MYRFL: variants seen among roughly 807,000 people sequenced by gnomAD.
The protein encoded by MYRFL is myelin regulatory factor-like protein.
In MYRFL, 88 loss-of-function variants were observed where a neutral mutation model predicts 109.4. The ratio of observed to expected loss-of-function variants is 0.80; its 90% CI spans 0.68 to 0.96. MYRFL has a LOEUF of 0.96. Ranked by LOEUF, MYRFL falls within the 40% of genes least tolerant of loss-of-function variation. MYRFL has a pLI of 0.00. For synonymous variants in MYRFL, 324 were observed against 320.9 expected (o/e 1.01, Z -0.10); for missense variants, 957 against 954.9 (o/e 1.00, Z -0.03).
chr12:69,916,793 C>A (rs908312934), intron 13 of MYRFL, among the ~76,000 whole-genome samples: 1 of 145,596 alleles, frequency 6.9e-6, no homozygotes, highest in African/African-American at 2.5e-5. Context: ...GACTAAATGA[C>A]TAAATAAGTA....
chr12:69,949,758 G>A (rs1955930602), intron 19 of MYRFL, among the ~76,000 whole-genome samples: 1 of 152,138 alleles, frequency 6.6e-6, no homozygotes, highest in Non-Finnish European at 1.5e-5. Context: ...CAGAAGACTG[G>A]ACACCCCTGC....
chr12:69,864,642 CACACACACACACACACACACACACACAA>C (rs1038181280), intron 2 of MYRFL, among the ~76,000 whole-genome samples: 25 of 5,388 alleles, frequency 4.6e-3, no homozygotes, highest in East Asian at 0.042. Flanking sequence ...AAGTTACACA[CACACACACACACACACACACACACACAA>C]ACACACACAC....
At chr12:69,897,072 G>A (rs1467135358) in intron 9 of MYRFL, 84 bp from the exon 10 acceptor site, 1 of 901,268 alleles carries the variant, frequency 1.1e-6, no homozygotes, top group African/African-American at 1.6e-5. Flanking sequence ...GTTCACTATT[G>A]ATCAACTGTT....
At chr12:69,921,787 A>G (rs1319884401) in intron 13 of MYRFL, among the ~76,000 whole-genome samples, 2 of 152,338 alleles carry the variant, frequency 1.3e-5, no homozygotes, top group African/African-American at 4.8e-5. Context: ...AGTTGGAGAA[A>G]TTAAACCTGG....
At chr12:69,917,383 CT>C (rs56118035) in intron 13 of MYRFL, among the ~76,000 whole-genome samples, 1,274 of 102,416 alleles carry the variant, frequency 0.012, 5 homozygotes, top group African/African-American at 0.045. Flanking sequence ...TATTCACTGA[CT>C]TTTTTTTTTT....
At chr12:69,939,062 T>A (rs1401025859) in intron 19 of MYRFL, among the ~76,000 whole-genome samples, 2 of 152,132 alleles carry the variant, frequency 1.3e-5, no homozygotes, top group African/African-American at 4.8e-5. Flanking sequence ...GTCTCGCTGA[T>A]TGCTAGCACA....
At chr12:69,878,907 C>G (rs946011005) in intron 2 of MYRFL, 121 bp from the exon 3 acceptor site, 11 of 669,946 alleles carry the variant, frequency 1.6e-5, no homozygotes, top group Non-Finnish European at 2.7e-5. Flanking sequence ...CTCACCCCCC[C>G]ATGCCCAGCA....
At chr12:69,945,986 C>CAAAAAAAAAAAAAAAAAAAAAAA (rs56988555) in intron 19 of MYRFL, among the ~76,000 whole-genome samples, 4 of 42,340 alleles carry the variant, frequency 9.4e-5, no homozygotes, top group Admixed American at 4.1e-4. Flanking sequence ...GACTCCGTCT[C>CAAAAAAAAAAAAAAAAAAAAAAA]AAAAAAAAAA....
chr12:69,881,121 CTGTTTGTT>C (rs112768670), intron 5 of MYRFL, among the ~76,000 whole-genome samples: 7 of 150,884 alleles, frequency 4.6e-5, no homozygotes, highest in Non-Finnish European at 8.8e-5. Context: ...AGGCCAGTTT[CTGTTTGTT>C]TGTTTGTTTG....
intron 1 of MYRFL, among the ~76,000 whole-genome samples, chr12:69,849,938 G>A (rs769531585): frequency 1.2e-4 from 18 of 152,278 alleles, no homozygotes; most frequent in Non-Finnish European, 1.5e-4. Flanking sequence ...GGGTGATGTG[G>A]TTTGGCTCTG....
chr12:69,920,704 C>T (rs1466133720), intron 13 of MYRFL, among the ~76,000 whole-genome samples: 1 of 152,118 alleles, frequency 6.6e-6, no homozygotes, highest in Non-Finnish European at 1.5e-5. Context: ...CAGTGAATGG[C>T]AAATGGTTCA....
At chr12:69,909,215 G>A (rs12304566) in intron 11 of MYRFL, among the ~76,000 whole-genome samples, 28,074 of 152,070 alleles carry the variant, frequency 0.18, 3,754 homozygotes, top group African/African-American at 0.38. Flanking sequence ...AAGCTAATCC[G>A]TTTAGCCAAT....
At chr12:69,910,754 T>C in intron 12 of MYRFL, 67 bp from the exon 13 acceptor site, 1 of 1,206,334 alleles carries the variant, frequency 8.3e-7, no homozygotes, top group Non-Finnish European at 1.2e-6. Context: ...AAGCAAAAGC[T>C]TAGAGAGGAT....
In MYRFL at chr12:69,954,190, G is replaced by A. The variant is rs566411018; in HGVS notation, c.2376-1173G>A. ...GAAGAGTCAGATGATTCAAGTTCAA[G>A]TCCTAGAACTTCTTTGACAAGATGT... On this transcript the variant is annotated intron_variant, in intron 21 of 24. Transcript: ENST00000552032. Among the ~76,000 whole-genome samples the A allele has an allele frequency of 3.8e-4, 29 of 77,016 alleles. No homozygotes were observed. In the Admixed American group the frequency reaches 4.1e-3, roughly 11 times the overall value. The allele number at this position is 77,016 out of a possible 152,430, so 50.5% of individuals were successfully genotyped here. A position where few individuals can be genotyped will look rare whatever the true frequency, so the allele number is the denominator to read the frequency against.
intron 1 of MYRFL, among the ~76,000 whole-genome samples, chr12:69,841,328 C>G (rs1343576391): frequency 6.6e-6 from 1 of 152,192 alleles, no homozygotes; most frequent in African/African-American, 2.4e-5. Context: ...TTCTTACAGT[C>G]AGTCACAAAA....
chr12:69,890,590 C>T (rs12371036), intron 6 of MYRFL, among the ~76,000 whole-genome samples: 14,648 of 152,022 alleles, frequency 0.096, 942 homozygotes, highest in Middle Eastern at 0.15. Context: ...AAAAATTAGC[C>T]GGGCGTGGTG....
At chr12:69,919,802 A>G (rs1384771075) in intron 13 of MYRFL, among the ~76,000 whole-genome samples, 1 of 152,146 alleles carries the variant, frequency 6.6e-6, no homozygotes, top group Admixed American at 6.5e-5. Flanking sequence ...TTATTATACA[A>G]CCTCAGTCCA....
intron 1 of MYRFL, among the ~76,000 whole-genome samples, chr12:69,843,218 G>A (rs774656614): frequency 3.3e-5 from 5 of 151,950 alleles, no homozygotes; most frequent in African/African-American, 4.8e-5. Flanking sequence ...CTTCTTCTCC[G>A]AAATATCTAT....
At chr12:69,924,702 T>C (rs1398539268) in intron 13 of MYRFL, among the ~76,000 whole-genome samples, 1 of 152,188 alleles carries the variant, frequency 6.6e-6, no homozygotes, top group Non-Finnish European at 1.5e-5. Flanking sequence ...GAAGGATGTA[T>C]GGTAAGACTT....
Sources: allele counts gnomAD v4.1 joint callset (sites outside exome capture counted in the v4.1 genomes callset), GRCh38; gene constraint gnomAD v4.1.1; transcripts MANE v1.5; gene names NCBI Gene and HGNC (gene_info 2026-07-23, HGNC 2026-07-21).